Variants in NFIB observed in about 807,000 individuals in gnomAD.
The protein encoded by NFIB is nuclear factor I B.
In NFIB, 11 loss-of-function variants were observed where a neutral mutation model predicts 61.5. The observed-to-expected ratio is 0.18, with a 90% CI of 0.11 to 0.30. The LOEUF is 0.30. Among genes scored for constraint, NFIB ranks in the 10% least tolerant of loss-of-function variants. NFIB has a pLI of 1.00. For missense variants in NFIB, 471 were observed against 608.9 expected (o/e 0.77, Z 2.38); for synonymous variants, 260 against 216.5 (o/e 1.20, Z -1.76).
intron 2 of NFIB, among the ~76,000 whole-genome samples, chr9:14,202,904 T>C (rs1444254895): frequency 2.0e-5 from 3 of 152,332 alleles, no homozygotes; most frequent in South Asian, 2.1e-4. Context: ...AGCTGAACAG[T>C]TGAATGCTAC....
chr9:14,455,171 T>C, the NFIB span, among the ~76,000 whole-genome samples: 2 of 152,192 alleles, frequency 1.3e-5, no homozygotes, highest in Non-Finnish European at 1.5e-5. Flanking sequence ...AGATATGTAA[T>C]GGAGACACAC....
At chr9:14,447,866 G>C in the NFIB span, among the ~76,000 whole-genome samples, 1 of 152,112 alleles carries the variant, frequency 6.6e-6, no homozygotes, top group South Asian at 2.1e-4. Flanking sequence ...TCTTTTTTCA[G>C]AGTTCATTGA....
intron 2 of NFIB, among the ~76,000 whole-genome samples, chr9:14,185,510 C>G (rs113446130): frequency 6.6e-6 from 1 of 152,160 alleles, no homozygotes; most frequent in African/African-American, 2.4e-5. Context: ...CCCCTTTTTT[C>G]TCCCTGAAGT....
chr9:14,223,281 C>T (rs1179717379), intron 2 of NFIB, among the ~76,000 whole-genome samples: 2 of 152,142 alleles, frequency 1.3e-5, no homozygotes, highest in African/African-American at 4.8e-5. Context: ...TTATGATTCC[C>T]GCAGGTCACT....
chr9:14,138,894 G>T (rs764078050), intron 6 of NFIB, among the ~76,000 whole-genome samples: 8 of 94,708 alleles, frequency 8.4e-5, no homozygotes, highest in Admixed American at 4.0e-4. Context: ...GTTGATTTAT[G>T]TGTGTGTGTG....
chr9:14,269,453 G>A (rs16931522), intron 2 of NFIB, among the ~76,000 whole-genome samples: 10,735 of 152,054 alleles, frequency 0.071, 534 homozygotes, highest in East Asian at 0.18. Flanking sequence ...GCCAAATTAC[G>A]ACATCATTTT....
At chr9:14,224,863 G>C (rs2052169930) in intron 2 of NFIB, among the ~76,000 whole-genome samples, 1 of 152,174 alleles carries the variant, frequency 6.6e-6, no homozygotes, top group African/African-American at 2.4e-5. Flanking sequence ...GAGAGGATAA[G>C]TGGTTTCTCA....
At chr9:14,178,221 T>C (rs1329096800) in intron 3 of NFIB, among the ~76,000 whole-genome samples, 1 of 152,106 alleles carries the variant, frequency 6.6e-6, no homozygotes, top group African/African-American at 2.4e-5. Context: ...AGGGAAAATA[T>C]CAGTTAATTA....
the NFIB span, among the ~76,000 whole-genome samples, chr9:14,435,490 G>A: frequency 1.3e-4 from 20 of 152,162 alleles, no homozygotes; most frequent in South Asian, 1.0e-3. Context: ...CATCTATTAA[G>A]TGGAGATAAA....
intron 4 of NFIB, among the ~76,000 whole-genome samples, chr9:14,150,885 T>C (rs2042795036): frequency 6.6e-6 from 1 of 152,150 alleles, no homozygotes; most frequent in South Asian, 2.1e-4. Flanking sequence ...CCATTTACCC[T>C]GATGTGATTA....
intron 2 of NFIB, among the ~76,000 whole-genome samples, chr9:14,203,382 G>A (rs1029381334): frequency 6.6e-6 from 1 of 152,136 alleles, no homozygotes. Flanking sequence ...GCATAAACCC[G>A]GTTAATTGAA....
chr9:14,113,180 C>CA (rs954550265), intron 9 of NFIB, 99 bp from the exon 10 acceptor site: 33,937 of 696,846 alleles, frequency 0.049, no homozygotes, highest in East Asian at 0.067. Flanking sequence ...GATTTGCAAC[C>CA]AAAAAAAAAA....
chr9:14,309,459 C>T (rs1334859845), intron 1 of NFIB, among the ~76,000 whole-genome samples: 1 of 152,194 alleles, frequency 6.6e-6, no homozygotes, highest in African/African-American at 2.4e-5. Flanking sequence ...CTGATGATTA[C>T]ATCACAGCAT....
chr9:14,299,046 AT>A (rs1350519277), intron 2 of NFIB, among the ~76,000 whole-genome samples: 1 of 152,204 alleles, frequency 6.6e-6, no homozygotes, highest in Non-Finnish European at 1.5e-5. Context: ...ACGAAGGAAC[AT>A]TTTTTACACT....
intron 2 of NFIB, among the ~76,000 whole-genome samples, chr9:14,287,416 G>T (rs938660826): frequency 6.7e-6 from 1 of 149,714 alleles, no homozygotes. Context: ...GTGACAGACC[G>T]AGACTCCGTC....
At chr9:14,353,445 G>A (rs1025945573) in intron 1 of NFIB, among the ~76,000 whole-genome samples, 1 of 152,146 alleles carries the variant, frequency 6.6e-6, no homozygotes, top group South Asian at 2.1e-4. Context: ...GGGAGCTCCT[G>A]GAGAGGGGTC....
intron 5 of NFIB, 64 bp from the exon 6 acceptor site, chr9:14,146,871 A>G: frequency 6.3e-7 from 1 of 1,577,260 alleles, no homozygotes; most frequent in South Asian, 1.2e-5. Context: ...ATTTTAAAGT[A>G]AATGATCTGA....
chr9:14,428,529 G>C, the NFIB span, among the ~76,000 whole-genome samples: 1 of 152,186 alleles, frequency 6.6e-6, no homozygotes, highest in South Asian at 2.1e-4. Context: ...TTGAGATGGT[G>C]CAGAAATAAG....
chr9:14,185,752 G>A (rs771680329), intron 2 of NFIB, among the ~76,000 whole-genome samples: 1 of 152,172 alleles, frequency 6.6e-6, no homozygotes, highest in Non-Finnish European at 1.5e-5. Flanking sequence ...TAAATTTCTT[G>A]TGGCAAGCCA....
Sources: allele counts gnomAD v4.1 joint callset (sites outside exome capture counted in the v4.1 genomes callset), GRCh38; gene constraint gnomAD v4.1.1; transcripts MANE v1.5; gene names NCBI Gene and HGNC (gene_info 2026-07-23, HGNC 2026-07-21).